Variants in ALG9 observed in about 807,000 individuals in gnomAD.
ALG9 encodes alpha-1,2-mannosyltransferase ALG9.
A neutral mutation model predicts 81.8 loss-of-function variants in ALG9; 55 were observed. The ratio of observed to expected loss-of-function variants is 0.67; its 90% CI spans 0.54 to 0.84. The LOEUF (loss-of-function observed/expected upper bound fraction) is 0.84. Ranked by LOEUF, ALG9 falls within the 40% of genes least tolerant of loss-of-function variation. The pLI, the probability that ALG9 is intolerant of heterozygous loss-of-function variation, is 0.00. For synonymous variants in ALG9, 278 were observed against 274.3 expected, an observed-to-expected ratio of 1.01 and a Z score of -0.13; for missense variants, 629 against 745.0, an observed-to-expected ratio of 0.84 and a Z score of 1.81.
At chr11:111,824,508 C>G (rs1952912991) in intron 13 of ALG9, among the ~76,000 whole-genome samples, 1 of 152,110 alleles carries the variant, frequency 6.6e-6, no homozygotes, top group South Asian at 2.1e-4. Flanking sequence ...TGGACAATAT[C>G]AGATGTATAA....
rs1946052543 is a variant in ALG9 at position 111,782,739 on chromosome 11, C to G, written c.*3658G>C. On this transcript the variant is annotated 3_prime_UTR_variant, in exon 15 of 15. Transcript: ENST00000616540. Reference sequence around the variant, plus strand: ...ACACAATAAATGATTGCCACTGGAGCTTTGCCCAAATGGTCACCGTAGACC... The same window carrying G: ...ACACAATAAATGATTGCCACTGGAGGTTTGCCCAAATGGTCACCGTAGACC... 6.6e-6 allele frequency: 1 copy of G among 152,152 alleles called. No homozygotes were observed. The highest frequency in any genetic ancestry group is 2.1e-4 in the South Asian group (1 of 4,830). The allele number at this position is 152,152 out of a possible 1,614,324, so 9.4% of individuals were successfully genotyped here.
At chr11:111,788,359 T>G (rs1946787514) in intron 14 of ALG9, 1 of 452,692 alleles carries the variant, frequency 2.2e-6, no homozygotes, top group Non-Finnish European at 4.4e-6. Flanking sequence ...AGGGCTTTGA[T>G]AGAGAAAGGA....
intron 13 of ALG9, among the ~76,000 whole-genome samples, chr11:111,811,980 A>T (rs1207652920): frequency 1.3e-5 from 2 of 152,236 alleles, no homozygotes; most frequent in African/African-American, 4.8e-5. Flanking sequence ...TAAAATGATT[A>T]AAATTGTAAA....
intron 13 of ALG9, among the ~76,000 whole-genome samples, chr11:111,823,653 T>G (rs1952781225): frequency 6.6e-6 from 1 of 152,218 alleles, no homozygotes; most frequent in African/African-American, 2.4e-5. Flanking sequence ...TTACAGTGCT[T>G]CTTCATCTCT....
intron 11 of ALG9, 38 bp from the exon 12 acceptor site, chr11:111,837,653 T>C (rs781918304): frequency 5.0e-6 from 8 of 1,605,702 alleles, no homozygotes; most frequent in Non-Finnish European, 3.4e-6. Flanking sequence ...CAGAGATGAG[T>C]AAGATGAGAT....
intron 13 of ALG9, among the ~76,000 whole-genome samples, chr11:111,811,270 C>T (rs1481647022): frequency 2.6e-5 from 4 of 152,032 alleles, no homozygotes; most frequent in Non-Finnish European, 4.4e-5. Flanking sequence ...TGGCTGGGCA[C>T]GGTGGCTCAC....
At chr11:111,813,174 T>TAA (rs1266016770) in intron 13 of ALG9, among the ~76,000 whole-genome samples, 12 of 152,050 alleles carry the variant, frequency 7.9e-5, no homozygotes, top group Admixed American at 7.2e-4. Context: ...AATGAAAAGA[T>TAA]AAAGCTCTCG....
At chr11:111,869,578 G>T (rs991114378) in intron 2 of ALG9, among the ~76,000 whole-genome samples, 1 of 151,614 alleles carries the variant, frequency 6.6e-6, no homozygotes, top group Non-Finnish European at 1.5e-5. Context: ...CTATCTCCAG[G>T]TATTATTTTC....
intron 14 of ALG9, among the ~76,000 whole-genome samples, chr11:111,791,844 C>A (rs1170542939): frequency 6.6e-6 from 1 of 152,244 alleles, no homozygotes; most frequent in Non-Finnish European, 1.5e-5. Context: ...GTAATCCCAG[C>A]ACTTTGGGAG....
chr11:111,870,399 A>T, intron 1 of ALG9, 29 bp from the exon 2 acceptor site: 1 of 1,519,834 alleles, frequency 6.6e-7, no homozygotes, highest in Non-Finnish European at 8.8e-7. Flanking sequence ...AAAAAAAAAA[A>T]AAAAAGCATG....
rs914621075 is a variant in ALG9, at chr11:111,871,527, G to T, written c.-45C>A. On this transcript the variant is annotated 5_prime_UTR_variant, in exon 1 of 15. An upstream open reading frame in the 5' UTR gains an earlier in-frame stop. Coordinates refer to ENST00000616540, the MANE Select transcript of ALG9 (RefSeq NM_024740.2). ...GAATTCGGCACCCTATGAAGTCGGTGAGCGCGCAGACATAGCTTTGGCTGG... is the reference window on the plus strand; with the variant it reads ...GAATTCGGCACCCTATGAAGTCGGTTAGCGCGCAGACATAGCTTTGGCTGG... The T allele has an allele frequency of 6.5e-7, 1 of 1,535,058 alleles. No individual in the cohort carries two copies.
At chr11:111,778,168 G>T (rs1945748610), downstream of ALG9, 1 of 152,024 alleles carries the variant, frequency 6.6e-6, no homozygotes, top group Non-Finnish European at 1.5e-5. Flanking sequence ...GCAGCCATAG[G>T]TCCTTACCTG....
chr11:111,868,610 T>G lies in ALG9; in HGVS notation c.397A>C (p.Thr133Pro). Residue 133 changes from threonine to proline, a missense_variant, in exon 3 of 15, where the codon ACT (threonine) becomes CCT (proline). By Grantham distance (38) the Thr-to-Pro change is conservative. Around this residue, in one of 3 missense-constraint regions of ALG9, gnomAD observed 344 missense variants for 390.5 expected, o/e 0.88. Transcript: ENST00000616540. ...PAAFHARILQ[T>P]NKILVFYFLR... Reference sequence around the variant, plus strand: ...GGTTGGTCTGCCCTTACCTTATTAGTTTGTAGAATTCTTGCATGAAATGCA... The same window carrying G: ...GGTTGGTCTGCCCTTACCTTATTAGGTTGTAGAATTCTTGCATGAAATGCA... 1 of 1,613,956 alleles carries G rather than the reference T, an allele frequency of 6.2e-7. No individual in the cohort carries two copies. Among genetic ancestry groups the G allele is most frequent in the African/African-American group, 1.3e-5 (1 of 75,062 alleles).
Position 111,786,168 on chromosome 11 carries a change from T to C in ALG9, c.*229A>G, listed in dbSNP as rs781789551. The stretch of plus-strand genomic sequence containing the variant: ...ATCTATCTGTGCTTTAGGGCCTTTC[T>C]CTGCCTAGCTGCAAAAAGTTTACAT... On this transcript the variant is annotated 3_prime_UTR_variant, in exon 15 of 15. Coordinates refer to ENST00000616540, the MANE Select transcript of ALG9 (RefSeq NM_024740.2). 5.4e-5 allele frequency: 34 copies of C among 628,526 alleles called. No homozygotes were observed. The highest frequency in any genetic ancestry group is 5.1e-4 in the Middle Eastern group (2 of 3,886). 38.9% of individuals were successfully genotyped at this position (628,526 alleles called of 1,614,324 possible).
chr11:111,791,784 G>A (rs993000143), intron 14 of ALG9, among the ~76,000 whole-genome samples: 1 of 152,204 alleles, frequency 6.6e-6, no homozygotes, highest in Non-Finnish European at 1.5e-5. Context: ...CATTTTTAAA[G>A]TCTCAGCTTA....
At chr11:111,775,791 T>C in the ALG9 span, among the ~76,000 whole-genome samples, 7 of 152,232 alleles carry the variant, frequency 4.6e-5, no homozygotes, top group Admixed American at 1.3e-4. Flanking sequence ...TGACTCCGTC[T>C]AGGTTCCCCC....
At chr11:111,840,471 T>C (rs1258565295) in intron 10 of ALG9, among the ~76,000 whole-genome samples, 184 bp downstream of exon 10, 1 of 152,126 alleles carries the variant, frequency 6.6e-6, no homozygotes, top group Non-Finnish European at 1.5e-5. Flanking sequence ...AATCAGCAAA[T>C]ACAAGTATGG....
intron 13 of ALG9, among the ~76,000 whole-genome samples, chr11:111,821,106 AT>A (rs1952286977): frequency 6.6e-6 from 1 of 152,158 alleles, no homozygotes; most frequent in Non-Finnish European, 1.5e-5. Flanking sequence ...TAAAAATAAA[AT>A]TTTTTAAAAA....
At chr11:111,779,584 C>G (rs1364946398), downstream of ALG9, among the ~76,000 whole-genome samples, 3 of 151,956 alleles carry the variant, frequency 2.0e-5, no homozygotes, top group Admixed American at 1.3e-4. Flanking sequence ...CTCCTGGACT[C>G]AAACGATCCT....
Sources: gnomAD v4.1 joint callset for allele counts (sites outside exome capture counted in the v4.1 genomes callset) on GRCh38, gnomAD v4.1.1 for gene constraint, gnomAD v4.1.1 regional missense constraint, MANE v1.5 for transcripts, NCBI Gene and HGNC (gene_info 2026-07-23, HGNC 2026-07-21) for gene names.